The following MINPP1 variants were observed in gnomAD, a reference collection of about 807,000 sequenced individuals.
The protein encoded by MINPP1 is multiple inositol-polyphosphate phosphatase 1, also known as multiple inositol polyphosphate phosphatase 1.
MINPP1 carries 28 observed loss-of-function variants against 46.1 expected under a neutral mutation model. The ratio of observed to expected loss-of-function variants is 0.61; its 90% CI spans 0.45 to 0.83. The LOEUF is 0.83. Ranked by LOEUF, MINPP1 falls within the 40% of genes least tolerant of loss-of-function variation. MINPP1 has a pLI of 0.00. For synonymous variants in MINPP1, 268 were observed against 249.1 expected (o/e 1.08, Z -0.72); for missense variants, 603 against 610.0 (o/e 0.99, Z 0.12).
chr10:87,510,270 G>A (rs188889645), intron 2 of MINPP1, among the ~76,000 whole-genome samples: 246 of 152,264 alleles, frequency 1.6e-3, no homozygotes, highest in African/African-American at 5.7e-3. Context: ...TGTTTACATA[G>A]GGGGTGATGC....
intron 4 of MINPP1, among the ~76,000 whole-genome samples, chr10:87,544,157 G>A (rs1264821509): frequency 6.6e-6 from 1 of 152,192 alleles, no homozygotes; most frequent in Non-Finnish European, 1.5e-5. Flanking sequence ...CTTCAAGTTG[G>A]GGTTTTCACA....
rs537804422 is a variant in MINPP1, at chr10:87,505,572, G to C, written c.637+20G>C. ...TCGCAGGTGACCCCCCGGGCGGCCC[G>C]TGTGCTGTCCCGGTCCTCCCACCCG... On this transcript the variant is annotated intron_variant, in intron 1 of 4. Transcript: ENST00000371996. This position sits in a 1 kb window ranked among gnomAD's most constrained non-coding sequence, Gnocchi z 4.4. The C allele has an allele frequency of 3.1e-5, 50 of 1,589,450 alleles. No homozygotes were observed. The South Asian group carries it at 5.4e-4, about 17-fold the overall frequency.
intron 3 of MINPP1, among the ~76,000 whole-genome samples, chr10:87,517,688 G>T (rs865957156): frequency 5.3e-5 from 8 of 152,168 alleles, no homozygotes; most frequent in Non-Finnish European, 1.0e-4. Context: ...GAACCTTGTT[G>T]CTATGAACAT....
chr10:87,531,674 G>A (rs1851662828), intron 4 of MINPP1, among the ~76,000 whole-genome samples: 1 of 152,308 alleles, frequency 6.6e-6, no homozygotes, highest in South Asian at 2.1e-4. Context: ...TTTGAGTGCG[G>A]ATGTGATGCA....
intron 4 of MINPP1, among the ~76,000 whole-genome samples, chr10:87,523,761 A>G (rs1851535989): frequency 1.3e-5 from 2 of 152,184 alleles, no homozygotes; most frequent in Admixed American, 1.3e-4. Flanking sequence ...AGACATGAAA[A>G]CAACATTAAT....
intron 2 of MINPP1, among the ~76,000 whole-genome samples, chr10:87,509,200 T>G (rs1851299421): frequency 6.6e-6 from 1 of 152,204 alleles, no homozygotes. Flanking sequence ...TTCTGTTTTC[T>G]AGGAATTTAT....
At chr10:87,540,495 TCACACA>T (rs3062345) in intron 4 of MINPP1, among the ~76,000 whole-genome samples, 186 of 148,990 alleles carry the variant, frequency 1.2e-3, no homozygotes, top group African/African-American at 2.4e-3. Flanking sequence ...TCTCTCTCTG[TCACACA>T]CACACACACA....
At chr10:87,538,108 A>AT (rs35833684) in intron 4 of MINPP1, among the ~76,000 whole-genome samples, 72,292 of 142,796 alleles carry the variant, frequency 0.51, 19,351 homozygotes, top group Non-Finnish European at 0.63. Context: ...AGCTCTGCTA[A>AT]TTTTTTTTTT....
At chr10:87,537,227 G>A (rs903615875) in intron 4 of MINPP1, among the ~76,000 whole-genome samples, 4 of 152,034 alleles carry the variant, frequency 2.6e-5, no homozygotes, top group African/African-American at 4.8e-5. Context: ...ATGAGCCACC[G>A]TGCCCGGCCG....
chr10:87,549,704 C>G (rs766690020), intron 4 of MINPP1, among the ~76,000 whole-genome samples: 8 of 152,262 alleles, frequency 5.3e-5, no homozygotes, highest in Non-Finnish European at 1.2e-4. Context: ...GTAAATTCTT[C>G]TGGTTAGACA....
rs544217949 is a variant in MINPP1, at chr10:87,525,464, G to A, written c.1067+4295G>A. On this transcript the variant is annotated intron_variant, in intron 4 of 4. Transcript: ENST00000371996. Reference sequence around the variant, plus strand: ...CTTCCATGTTGTACATGTAGCAGTAGCATGTATCATTCTTTTTCATGGCTG... The same window carrying A: ...CTTCCATGTTGTACATGTAGCAGTAACATGTATCATTCTTTTTCATGGCTG... 6.6e-5 allele frequency among the ~76,000 whole-genome samples: 10 copies of A among 152,260 alleles called. No individual in the cohort carries two copies. The South Asian group carries it at 2.1e-3, about 32-fold the overall frequency.
rs757948877 is a variant in MINPP1, at chr10:87,505,069, C to A, written c.154C>A (p.Arg52Ser). Residue 52 changes from arginine (R) to serine (S), a missense_variant, in exon 1 of 5, where the codon CGC becomes AGC. By Grantham distance (110) the Arg-to-Ser change is moderately radical. Around this residue, in one of 3 missense-constraint regions of MINPP1, gnomAD observed 239 missense variants for 189.4 expected, o/e 1.26. Transcript: ENST00000371996. This position sits in a 1 kb window ranked among gnomAD's most constrained non-coding sequence, Gnocchi z 4.4. ...CAGCCCCTATTTCGGCACCAAGACT[C>A]GCTACGAGGATGTCAACCCCGTGCT... ...SLSPYFGTKTRYEDVNPVLLS... is the reference protein window; with the variant it reads ...SLSPYFGTKTSYEDVNPVLLS... 11 of 1,613,584 alleles carry A rather than the reference C, an allele frequency of 6.8e-6. No homozygotes were observed. The highest frequency in any genetic ancestry group is 8.5e-6 in the Non-Finnish European group (10 of 1,179,924).
intron 3 of MINPP1, among the ~76,000 whole-genome samples, chr10:87,520,521 TG>T (rs1851485402): frequency 6.6e-6 from 1 of 152,206 alleles, no homozygotes; most frequent in African/African-American, 2.4e-5. Context: ...AACAGATACA[TG>T]AACCAAAGTA....
At chr10:87,547,168 G>A (rs1208719604) in intron 4 of MINPP1, among the ~76,000 whole-genome samples, 1 of 152,112 alleles carries the variant, frequency 6.6e-6, no homozygotes, top group Non-Finnish European at 1.5e-5. Context: ...CTAGAGTGCA[G>A]TGACGTGATC....
Position 87,513,661 on chromosome 10 carries a change from G to T in MINPP1, c.933+440G>T, listed in dbSNP as rs560904261. On this transcript the variant is annotated intron_variant, in intron 3 of 4. Transcript: ENST00000371996. ...GAAATTGTGTTCTGTGTTTTACAGT[G>T]AACACTTGTATGTCCTTCACCTATA... Among the ~76,000 whole-genome samples the T allele has an allele frequency of 9.2e-5, 14 of 152,250 alleles. No individual in the cohort carries two copies. The South Asian group carries it at 2.9e-3, about 32-fold the overall frequency.
chr10:87,528,823 G>A (rs555003806), intron 4 of MINPP1, among the ~76,000 whole-genome samples: 334 of 152,010 alleles, frequency 2.2e-3, no homozygotes, highest in African/African-American at 7.6e-3. Context: ...AAAGTCTCCC[G>A]TTATTATTGT....
rs180687959 is a variant in MINPP1 at position 87,551,427 on chromosome 10, A to G, written c.1068-655A>G. Among the ~76,000 whole-genome samples, 17 of 152,242 alleles carry G rather than the reference A, an allele frequency of 1.1e-4. 1 individual carries two copies. The highest frequency in any genetic ancestry group is 9.8e-4 in the Admixed American group (15 of 15,278). On this transcript the variant is annotated intron_variant, in intron 4 of 4. Coordinates refer to ENST00000371996, the MANE Select transcript of MINPP1 (RefSeq NM_004897.5). ...AATTCTTTACCAGAAAAAAAAAATC[A>G]TAGAAAACTTCAAGAAAAAGAATTG...
At chr10:87,538,837 A>G (rs2131834578) in intron 4 of MINPP1, among the ~76,000 whole-genome samples, 1 of 152,324 alleles carries the variant, frequency 6.6e-6, no homozygotes, top group South Asian at 2.1e-4. Context: ...TTGAGTGTGA[A>G]ACGTGAATTA....
chr10:87,508,073 A>G (rs180993162), intron 1 of MINPP1: 13 of 1,470,180 alleles, frequency 8.8e-6, no homozygotes, highest in African/African-American at 8.5e-5. Context: ...GTATGATGCA[A>G]TTTCATTGCG....
Sources: allele counts gnomAD v4.1 joint callset (sites outside exome capture counted in the v4.1 genomes callset), GRCh38; gene constraint gnomAD v4.1.1; regional missense constraint gnomAD v4.1.1; non-coding constraint Gnocchi (gnomAD v3.1); transcripts MANE v1.5; gene names NCBI Gene and HGNC (gene_info 2026-07-23, HGNC 2026-07-21).